Variants in ATG5 observed in about 807,000 individuals in gnomAD.
ATG5 encodes autophagy protein 5.
A neutral mutation model predicts 36.5 loss-of-function variants in ATG5; 14 were observed. The ratio of observed to expected loss-of-function variants is 0.38; its 90% CI spans 0.25 to 0.60. ATG5 has a LOEUF of 0.60. ATG5 is among the 20% of genes least tolerant of loss of function. The pLI is 0.60. For synonymous variants in ATG5, 95 were observed against 101.5 expected (o/e 0.94, Z 0.38); for missense variants, 195 against 326.7 (o/e 0.60, Z 3.11).
At chr6:106,220,430 AG>A (rs139676068) in intron 6 of ATG5, among the ~76,000 whole-genome samples, 11,407 of 152,272 alleles carry the variant, frequency 0.075, 730 homozygotes, top group Admixed American at 0.22. Context: ...ACAAGAACTG[AG>A]GCGTATACTT....
At chr6:106,222,518 A>G (rs1174094512) in intron 6 of ATG5, among the ~76,000 whole-genome samples, 1 of 152,172 alleles carries the variant, frequency 6.6e-6, no homozygotes, top group Non-Finnish European at 1.5e-5. Flanking sequence ...CACTTTCTTT[A>G]TTAGAAGAAA....
At chr6:106,266,884 T>G (rs1779246430) in intron 5 of ATG5, among the ~76,000 whole-genome samples, 3 of 152,174 alleles carry the variant, frequency 2.0e-5, no homozygotes, top group Middle Eastern at 6.8e-3. Context: ...GACAAACCCA[T>G]AGTCAATATC....
intron 5 of ATG5, among the ~76,000 whole-genome samples, chr6:106,258,287 T>C (rs1778877408): frequency 6.6e-6 from 1 of 151,934 alleles, no homozygotes; most frequent in Non-Finnish European, 1.5e-5. Context: ...GAAGACTGAT[T>C]GCCTGAACCC....
At chr6:106,216,832 A>T (rs1777058060) in intron 6 of ATG5, among the ~76,000 whole-genome samples, 1 of 152,142 alleles carries the variant, frequency 6.6e-6, no homozygotes, top group African/African-American at 2.4e-5. Context: ...CACTATGATC[A>T]TACCTGTAAA....
At chr6:106,213,684 A>G (rs1169202182) in intron 6 of ATG5, among the ~76,000 whole-genome samples, 1 of 152,200 alleles carries the variant, frequency 6.6e-6, no homozygotes, top group African/African-American at 2.4e-5. Flanking sequence ...TGTAGTGGAA[A>G]TAACAAAGGT....
chr6:106,264,696 C>T (rs925479543), intron 5 of ATG5, among the ~76,000 whole-genome samples: 1 of 152,164 alleles, frequency 6.6e-6, no homozygotes, highest in Admixed American at 6.5e-5. Flanking sequence ...ATTCAACATT[C>T]TTAAAGAAAA....
chr6:106,259,405 C>T (rs1481905995), intron 5 of ATG5, among the ~76,000 whole-genome samples: 1 of 152,124 alleles, frequency 6.6e-6, no homozygotes, highest in Non-Finnish European at 1.5e-5. Flanking sequence ...TGAAATTATC[C>T]TCCCAGTGTT....
chr6:106,237,776 C>T (rs1017220341), intron 6 of ATG5, among the ~76,000 whole-genome samples: 6 of 152,096 alleles, frequency 3.9e-5, no homozygotes, highest in African/African-American at 1.4e-4. Flanking sequence ...CAAATAATCA[C>T]TGCTTATATA....
chr6:106,274,416 TCA>T (rs1381453264), intron 5 of ATG5, among the ~76,000 whole-genome samples: 4 of 152,192 alleles, frequency 2.6e-5, no homozygotes, highest in African/African-American at 9.6e-5. Flanking sequence ...TATTTCTCTT[TCA>T]CAGAGTTCTG....
At chr6:106,187,417 T>C (rs1286343418) in intron 7 of ATG5, among the ~76,000 whole-genome samples, 1 of 152,110 alleles carries the variant, frequency 6.6e-6, no homozygotes, top group Non-Finnish European at 1.5e-5. Context: ...TTTGGTGTGT[T>C]GTACTGACAA....
At chr6:106,260,483 C>T (rs775645979) in intron 5 of ATG5, among the ~76,000 whole-genome samples, 1 of 152,190 alleles carries the variant, frequency 6.6e-6, no homozygotes, top group Non-Finnish European at 1.5e-5. Flanking sequence ...CGAAGAAATG[C>T]TTCTTAAGTA....
chr6:106,294,374 T>C (rs951592359), intron 3 of ATG5, among the ~76,000 whole-genome samples: 8 of 151,940 alleles, frequency 5.3e-5, no homozygotes, highest in African/African-American at 1.9e-4. Flanking sequence ...GGGATAGCCC[T>C]GCACTGCAAG....
chr6:106,199,387 A>G (rs1776331204), intron 7 of ATG5, among the ~76,000 whole-genome samples: 1 of 152,264 alleles, frequency 6.6e-6, no homozygotes, highest in Non-Finnish European at 1.5e-5. Context: ...TTATTCACCA[A>G]TCAAACTATG....
chr6:106,271,666 A>T (rs1259075911), intron 5 of ATG5: 1 of 152,224 alleles, frequency 6.6e-6, no homozygotes, highest in African/African-American at 2.4e-5. Flanking sequence ...ATAACCAATG[A>T]GGTTCATCCA....
chr6:106,225,538 C>T (rs1418592098), intron 6 of ATG5, among the ~76,000 whole-genome samples: 1 of 151,982 alleles, frequency 6.6e-6, no homozygotes, highest in Non-Finnish European at 1.5e-5. Flanking sequence ...TCAACAAAAT[C>T]CATTTATCCA....
intron 5 of ATG5, among the ~76,000 whole-genome samples, chr6:106,272,850 C>T (rs1779503612): frequency 6.6e-6 from 1 of 152,088 alleles, no homozygotes; most frequent in African/African-American, 2.4e-5. Flanking sequence ...CTTGATTAAA[C>T]ATGAGAGTAT....
At position 106,213,726 on chromosome 6, in the gene ATG5, T is replaced by A. The variant is rs183760463; in HGVS notation, c.574-11637A>T. ...GGAATCCCAACTCCCAACAACGTAC[T>A]GTGTATCTAGAGCAAATTACATCAA... is the stretch of plus-strand genomic sequence containing the variant. On this transcript the variant is annotated intron_variant, in intron 6 of 7. Coordinates refer to ENST00000369076, the MANE Select transcript of ATG5 (RefSeq NM_004849.4). Among the ~76,000 whole-genome samples the A allele has an allele frequency of 3.9e-5, 6 of 152,306 alleles. No homozygotes were observed. The East Asian group carries it at 1.2e-3, about 29-fold the overall frequency.
intron 2 of ATG5, among the ~76,000 whole-genome samples, chr6:106,311,405 G>A (rs1016062315): frequency 6.6e-6 from 1 of 152,212 alleles, no homozygotes; most frequent in African/African-American, 2.4e-5. Context: ...TGTATCTTAA[G>A]GCAAAGAGTC....
At chr6:106,197,611 C>T (rs748754051) in intron 7 of ATG5, among the ~76,000 whole-genome samples, 48 of 151,816 alleles carry the variant, frequency 3.2e-4, no homozygotes, top group Non-Finnish European at 4.6e-4. Context: ...GTTTTAGTTC[C>T]CACAAGAGCT....
Sources: gnomAD v4.1 joint callset for allele counts (sites outside exome capture counted in the v4.1 genomes callset) on GRCh38, gnomAD v4.1.1 for gene constraint, MANE v1.5 for transcripts, NCBI Gene and HGNC (gene_info 2026-07-23, HGNC 2026-07-21) for gene names.